Variants in CDH20 observed in about 807,000 individuals in gnomAD.
CDH20 encodes cadherin-20.
CDH20 carries 29 observed loss-of-function variants against 74.2 expected under a neutral mutation model. That is an observed-to-expected ratio of 0.39 (90% confidence interval 0.29 to 0.53). CDH20 has a LOEUF of 0.53. Among genes scored for constraint, CDH20 ranks in the 20% least tolerant of loss-of-function variants. The pLI, the probability that CDH20 is intolerant of heterozygous loss-of-function variation, is 0.69. For synonymous variants in CDH20, 469 were observed against 405.4 expected (o/e 1.16, Z -1.88); for missense variants, 988 against 1,048.3 (o/e 0.94, Z 0.79).
intron 1 of CDH20, among the ~76,000 whole-genome samples, chr18:61,390,241 A>G (rs890311759): frequency 2.0e-5 from 3 of 152,206 alleles, no homozygotes; most frequent in African/African-American, 4.8e-5. Context: ...TGAATAAATC[A>G]TCTAGAACCA....
rs752243653 is a variant in CDH20, at chr18:61,499,380, C to T, written c.441C>T (p.Pro147=). 15 of 1,613,920 alleles carry T rather than the reference C, an allele frequency of 9.3e-6. No individual in the cohort carries two copies. Among genetic ancestry groups the T allele is most frequent in the African/African-American group, 4.0e-5 (3 of 74,886 alleles). The change falls in exon 3 of 12, where the codon CCC becomes CCT. Residue 147 remains proline (P), a synonymous_variant. Coordinates refer to ENST00000262717, the MANE Select transcript of CDH20 (RefSeq NM_031891.4). Reference sequence around the variant, plus strand: ...GGCGGACGGGCAGGCCAATGGAGCCCGAGTCAGAGTTCATCATCAAAATTC... The same window carrying T: ...GGCGGACGGGCAGGCCAATGGAGCCTGAGTCAGAGTTCATCATCAAAATTC... ...LDRRTGRPME[P]ESEFIIKIQD...
chr18:61,347,290 ATATAT>A lies in CDH20; in HGVS notation c.-153+13464_-153+13468del, dbSNP rs1568104034. Among the ~76,000 whole-genome samples the A allele has an allele frequency of 1.6e-3, 68 of 42,672 alleles. 1 individual carries two copies. Among genetic ancestry groups the A allele is most frequent in the African/African-American group, 5.9e-3 (63 of 10,666 alleles). The allele number at this position is 42,672 out of a possible 152,430, so 28.0% of individuals were successfully genotyped here. On this transcript the variant is annotated intron_variant, in intron 1 of 11. Transcript: ENST00000262717. ...ATGGTGAAACCTTGTCTCTGCTAAT[ATATAT>A]ATATATATATATATATATATATATA...
At chr18:61,513,697 G>A (rs960597305) in intron 6 of CDH20, among the ~76,000 whole-genome samples, 10 of 152,128 alleles carry the variant, frequency 6.6e-5, no homozygotes, top group African/African-American at 1.9e-4. Context: ...CAGGCCTGGT[G>A]GTGACCAAAC....
At chr18:61,493,589 C>T (rs1412032032) in intron 2 of CDH20, among the ~76,000 whole-genome samples, 3 of 152,212 alleles carry the variant, frequency 2.0e-5, no homozygotes, top group Non-Finnish European at 1.5e-5. Flanking sequence ...TTGTCCCTGA[C>T]CCCACATGTG....
At chr18:61,372,364 T>C (rs910302125) in intron 1 of CDH20, among the ~76,000 whole-genome samples, 10 of 152,146 alleles carry the variant, frequency 6.6e-5, no homozygotes, top group African/African-American at 1.4e-4. Context: ...ATTTTTAAGT[T>C]TGATAATGCC....
At chr18:61,401,576 T>G (rs1449384683) in intron 1 of CDH20, among the ~76,000 whole-genome samples, 3 of 152,184 alleles carry the variant, frequency 2.0e-5, no homozygotes, top group Non-Finnish European at 4.4e-5. Flanking sequence ...TATCCCTGAC[T>G]TCAGATTCTA....
chr18:61,505,578 T>G (rs1467323289), intron 5 of CDH20, among the ~76,000 whole-genome samples: 1 of 152,124 alleles, frequency 6.6e-6, no homozygotes, highest in African/African-American at 2.4e-5. Flanking sequence ...TCAAATCATC[T>G]GCCTTCCTCA....
chr18:61,403,809 C>T (rs1319459773), intron 1 of CDH20, among the ~76,000 whole-genome samples: 5 of 152,118 alleles, frequency 3.3e-5, no homozygotes, highest in African/African-American at 4.8e-5. Flanking sequence ...TACAAGCGCA[C>T]GTATATTCAC....
At chr18:61,437,845 C>T (rs1193315730) in intron 1 of CDH20, among the ~76,000 whole-genome samples, 1 of 151,232 alleles carries the variant, frequency 6.6e-6, no homozygotes, top group Non-Finnish European at 1.5e-5. Context: ...TCTACTCTTT[C>T]CCCCATGTGA....
intron 1 of CDH20, among the ~76,000 whole-genome samples, chr18:61,468,540 C>A (rs896729726): frequency 2.0e-5 from 3 of 152,200 alleles, no homozygotes; most frequent in Non-Finnish European, 4.4e-5. Context: ...TGCTGAGAGA[C>A]TTTTAATGCA....
At chr18:61,334,939 A>C (rs1393885971) in intron 1 of CDH20, among the ~76,000 whole-genome samples, 1 of 152,048 alleles carries the variant, frequency 6.6e-6, no homozygotes, top group Non-Finnish European at 1.5e-5. Context: ...CCTCAAATGA[A>C]ATGTCCCCGG....
chr18:61,393,519 T>C (rs1911862282), intron 1 of CDH20, among the ~76,000 whole-genome samples: 1 of 152,194 alleles, frequency 6.6e-6, no homozygotes, highest in Non-Finnish European at 1.5e-5. Context: ...TGGTTCAAGG[T>C]GGCTAATGGT....
Position 61,444,160 on chromosome 18 carries a change from C to A in CDH20, c.-152-46242C>A, listed in dbSNP as rs116023033. The stretch of plus-strand genomic sequence containing the variant: ...TATTTATGGTCCATCTCTCTGTCAC[C>A]ACTGCCTCCCTCCCCATTCTGCACC... On this transcript the variant is annotated intron_variant, in intron 1 of 11. Transcript: ENST00000262717. Among the ~76,000 whole-genome samples, 651 of 152,096 alleles carry A rather than the reference C, an allele frequency of 4.3e-3. 4 individuals are homozygous for A. Among genetic ancestry groups the A allele is most frequent in the African/African-American group, 0.015 (602 of 41,480 alleles).
At chr18:61,548,191 G>A (rs1913318153) in intron 10 of CDH20, among the ~76,000 whole-genome samples, 1 of 152,174 alleles carries the variant, frequency 6.6e-6, no homozygotes, top group South Asian at 2.1e-4. Flanking sequence ...TCTCCATTGG[G>A]AAGAAAATAA....
intron 1 of CDH20, among the ~76,000 whole-genome samples, chr18:61,428,506 G>T (rs1439277503): frequency 1.3e-5 from 2 of 152,156 alleles, no homozygotes; most frequent in Non-Finnish European, 2.9e-5. Flanking sequence ...TCCTGTGTGT[G>T]ATAATGAGGG....
intron 10 of CDH20, among the ~76,000 whole-genome samples, chr18:61,546,108 A>G (rs1259510884): frequency 6.6e-6 from 1 of 152,254 alleles, no homozygotes; most frequent in Non-Finnish European, 1.5e-5. Flanking sequence ...CCAGCTAGCC[A>G]GCTGACCCTG....
intron 1 of CDH20, among the ~76,000 whole-genome samples, chr18:61,393,814 A>C (rs1911872697): frequency 6.6e-6 from 1 of 152,206 alleles, no homozygotes; most frequent in Non-Finnish European, 1.5e-5. Flanking sequence ...TTGACATAAT[A>C]GAAAATGGGG....
At chr18:61,447,969 A>C (rs576649905) in intron 1 of CDH20, among the ~76,000 whole-genome samples, 122 of 152,290 alleles carry the variant, frequency 8.0e-4, no homozygotes, top group East Asian at 1.7e-3. Context: ...GGTACTCTTA[A>C]CCAAACAAGG....
At chr18:61,335,461 C>T (rs1412124433) in intron 1 of CDH20, among the ~76,000 whole-genome samples, 1 of 152,168 alleles carries the variant, frequency 6.6e-6, no homozygotes, top group East Asian at 1.9e-4. Context: ...AGCCTCCACG[C>T]TGGCCACATC....
Sources: allele counts gnomAD v4.1 joint callset (sites outside exome capture counted in the v4.1 genomes callset), GRCh38; gene constraint gnomAD v4.1.1; transcripts MANE v1.5; gene names NCBI Gene and HGNC (gene_info 2026-07-23, HGNC 2026-07-21).